The following ATRNL1 variants were observed in gnomAD, a reference collection of about 807,000 sequenced individuals.
ATRNL1 encodes the protein attractin-like protein 1.
A neutral mutation model predicts 182.7 loss-of-function variants in ATRNL1; 95 were observed. The ratio of observed to expected loss-of-function variants is 0.52; its 90% CI spans 0.44 to 0.62. The LOEUF (loss-of-function observed/expected upper bound fraction) is 0.62. Ranked by LOEUF, ATRNL1 falls within the 20% of genes least tolerant of loss-of-function variation. The pLI is 0.00. For synonymous variants in ATRNL1, 576 were observed against 568.3 expected (o/e 1.01, Z -0.19); for missense variants, 1,471 against 1,679.5 (o/e 0.88, Z 2.17).
At chr10:115,426,558 A>C (rs782165014) in intron 21 of ATRNL1, among the ~76,000 whole-genome samples, 17 of 151,950 alleles carry the variant, frequency 1.1e-4, no homozygotes, top group Non-Finnish European at 2.1e-4. Context: ...ACTTGAGTAA[A>C]CTCATGTGAT....
chr10:115,384,239 A>G (rs1173575622), intron 19 of ATRNL1, among the ~76,000 whole-genome samples: 1 of 151,994 alleles, frequency 6.6e-6, no homozygotes, highest in Non-Finnish European at 1.5e-5. Context: ...AATTAGTTAT[A>G]AGTAGTAAAT....
At chr10:115,460,863 A>G (rs112134875) in intron 21 of ATRNL1, among the ~76,000 whole-genome samples, 14 of 152,202 alleles carry the variant, frequency 9.2e-5, no homozygotes, top group African/African-American at 3.4e-4. Context: ...TCTAGGGCCT[A>G]GAACACTGGC....
intron 10 of ATRNL1, among the ~76,000 whole-genome samples, chr10:115,248,647 C>T (rs1850744697): frequency 6.6e-6 from 1 of 151,926 alleles, no homozygotes; most frequent in South Asian, 2.1e-4. Flanking sequence ...TAATGAATGC[C>T]AGGGGACAAT....
At chr10:115,795,398 A>C (rs1257116736) in intron 27 of ATRNL1, among the ~76,000 whole-genome samples, 1 of 152,074 alleles carries the variant, frequency 6.6e-6, no homozygotes, top group Admixed American at 6.6e-5. Context: ...TCCTTAATGT[A>C]TTGAGTCAAA....
At chr10:115,770,146 A>T (rs551082349) in intron 27 of ATRNL1, among the ~76,000 whole-genome samples, 92 of 151,576 alleles carry the variant, frequency 6.1e-4, no homozygotes, top group Middle Eastern at 3.4e-3. Flanking sequence ...TTTTTTTTTT[A>T]AAACTAAAAA....
At chr10:115,327,410 A>G (rs28827926) in intron 18 of ATRNL1, among the ~76,000 whole-genome samples, 1,967 of 152,280 alleles carry the variant, frequency 0.013, 37 homozygotes, top group African/African-American at 0.044. Flanking sequence ...CAGTGAGAAT[A>G]GCAGTCATTC....
intron 21 of ATRNL1, among the ~76,000 whole-genome samples, chr10:115,452,952 C>A (rs771486425): frequency 1.3e-5 from 2 of 151,988 alleles, no homozygotes; most frequent in African/African-American, 2.4e-5. Context: ...AATATTTGTT[C>A]TTCTGGTCAG....
intron 19 of ATRNL1, among the ~76,000 whole-genome samples, chr10:115,379,203 A>G (rs1007349763): frequency 1.3e-5 from 2 of 152,210 alleles, no homozygotes; most frequent in African/African-American, 2.4e-5. Context: ...TCATCATCAT[A>G]TATAAAATTT....
intron 28 of ATRNL1, among the ~76,000 whole-genome samples, chr10:115,929,807 A>C (rs1426829358): frequency 6.6e-6 from 1 of 152,142 alleles, no homozygotes; most frequent in East Asian, 1.9e-4. Context: ...ACTAGAACAA[A>C]ACATATGTCA....
At chr10:115,528,305 G>C (rs1361686412) in intron 25 of ATRNL1, among the ~76,000 whole-genome samples, 2 of 151,836 alleles carry the variant, frequency 1.3e-5, no homozygotes, top group African/African-American at 4.8e-5. Flanking sequence ...TCTCCTTACT[G>C]GTTATAAATC....
intron 25 of ATRNL1, among the ~76,000 whole-genome samples, chr10:115,546,913 A>T (rs1415363512): frequency 1.3e-5 from 2 of 152,118 alleles, no homozygotes; most frequent in Non-Finnish European, 2.9e-5. Flanking sequence ...CATACAGCAG[A>T]CTGATTTTGT....
chr10:115,106,724 G>A (rs1844029648), intron 1 of ATRNL1, among the ~76,000 whole-genome samples: 2 of 152,178 alleles, frequency 1.3e-5, no homozygotes, highest in African/African-American at 4.8e-5. Context: ...TGCCATGTAA[G>A]AAGTGCCTTT....
intron 5 of ATRNL1, among the ~76,000 whole-genome samples, chr10:115,141,372 T>C (rs1407223464): frequency 6.6e-6 from 1 of 152,178 alleles, no homozygotes; most frequent in Non-Finnish European, 1.5e-5. Flanking sequence ...TAAAATGTTA[T>C]TTTATCAAGC....
At chr10:115,333,828 A>C (rs1458572354) in intron 18 of ATRNL1, among the ~76,000 whole-genome samples, 1 of 152,158 alleles carries the variant, frequency 6.6e-6, no homozygotes, top group South Asian at 2.1e-4. Flanking sequence ...AGTTTACTTT[A>C]TTCTGGTTAG....
chr10:115,211,998 T>A (rs1849045324), intron 8 of ATRNL1, among the ~76,000 whole-genome samples: 1 of 151,836 alleles, frequency 6.6e-6, no homozygotes, highest in Non-Finnish European at 1.5e-5. Context: ...TATTTATTTT[T>A]ATTTTTAATT....
intron 18 of ATRNL1, among the ~76,000 whole-genome samples, chr10:115,324,308 T>G (rs1365657913): frequency 6.6e-6 from 1 of 152,142 alleles, no homozygotes; most frequent in Non-Finnish European, 1.5e-5. Context: ...TATTTGTGTA[T>G]TATGTTTGTT....
intron 27 of ATRNL1, among the ~76,000 whole-genome samples, chr10:115,830,952 G>A (rs180975473): frequency 1.4e-3 from 217 of 152,138 alleles, no homozygotes; most frequent in Middle Eastern, 6.8e-3. Context: ...CACAGAGCAG[G>A]CCTTGCCTTT....
intron 27 of ATRNL1, among the ~76,000 whole-genome samples, chr10:115,778,052 T>A (rs1358210694): frequency 6.6e-6 from 1 of 152,160 alleles, no homozygotes; most frequent in Non-Finnish European, 1.5e-5. Context: ...GGCCGGACTT[T>A]CTTTGAGAAT....
intron 18 of ATRNL1, among the ~76,000 whole-genome samples, chr10:115,324,443 A>G (rs1051852576): frequency 9.9e-5 from 15 of 152,186 alleles, no homozygotes; most frequent in African/African-American, 3.4e-4. Context: ...GTATATTTGT[A>G]TAACCTGGGT....
Sources: allele counts gnomAD v4.1 joint callset (sites outside exome capture counted in the v4.1 genomes callset), GRCh38; gene constraint gnomAD v4.1.1; transcripts MANE v1.5; gene names NCBI Gene and HGNC (gene_info 2026-07-23, HGNC 2026-07-21).